IGFL2: variants seen among roughly 807,000 people sequenced by gnomAD.
IGFL2 encodes IGF like family member 2, also known as insulin growth factor-like family member 2.
In IGFL2, 7 loss-of-function variants were observed where a neutral mutation model predicts 13.9. The observed-to-expected ratio is 0.51, with a 90% CI of 0.29 to 0.95. The LOEUF (loss-of-function observed/expected upper bound fraction) is 0.95. Ranked by LOEUF, IGFL2 falls within the 40% of genes least tolerant of loss-of-function variation. The pLI, the probability that IGFL2 is intolerant of heterozygous loss-of-function variation, is 0.08. For synonymous variants in IGFL2, 55 were observed against 55.8 expected (o/e 0.99, Z 0.07); for missense variants, 138 against 147.8 (o/e 0.93, Z 0.34).
intron 1 of IGFL2, among the ~76,000 whole-genome samples, chr19:46,152,916 C>G (rs1202538497): frequency 6.6e-6 from 1 of 150,652 alleles, no homozygotes; most frequent in African/African-American, 2.4e-5. Flanking sequence ...CTTTCAGTAT[C>G]ATTTGAGAGA....
chr19:46,090,809 C>G, the IGFL2 span, among the ~76,000 whole-genome samples: 1 of 152,192 alleles, frequency 6.6e-6, no homozygotes, highest in Admixed American at 6.5e-5. Context: ...ATCTGGTTCC[C>G]GGGCAGCTCT....
chr19:46,079,581 C>T, the IGFL2 span, among the ~76,000 whole-genome samples: 2 of 152,168 alleles, frequency 1.3e-5, no homozygotes, highest in Admixed American at 1.3e-4. Context: ...GTTTCCAGGC[C>T]TCAGGCGCTT....
At chr19:46,150,864 A>G (rs1973446636) in intron 1 of IGFL2, among the ~76,000 whole-genome samples, 1 of 152,158 alleles carries the variant, frequency 6.6e-6, no homozygotes, top group Non-Finnish European at 1.5e-5. Flanking sequence ...ACGATGTCTC[A>G]CTGTGTTGCC....
At chr19:46,160,327 C>G in intron 1 of IGFL2, 88 bp from the exon 2 acceptor site, 2 of 1,178,350 alleles carry the variant, frequency 1.7e-6, no homozygotes, top group Non-Finnish European at 2.5e-6. Context: ...TGGAACTAAG[C>G]CTTCCCCACC....
the IGFL2 span, among the ~76,000 whole-genome samples, chr19:46,180,887 GT>G: frequency 2.0e-5 from 3 of 152,292 alleles, no homozygotes; most frequent in African/African-American, 7.2e-5. Context: ...GACTCATTCC[GT>G]TTTCTTTGGC....
the IGFL2 span, among the ~76,000 whole-genome samples, chr19:46,080,023 C>T: frequency 6.6e-6 from 1 of 152,200 alleles, no homozygotes; most frequent in South Asian, 2.1e-4. Context: ...CAGAGGGCCA[C>T]ATCCCTTCCT....
chr19:46,117,577 C>T, the IGFL2 span, among the ~76,000 whole-genome samples: 1 of 152,114 alleles, frequency 6.6e-6, no homozygotes, highest in Non-Finnish European at 1.5e-5. Flanking sequence ...CTCCTGGGCC[C>T]AAGGGATCCT....
the IGFL2 span, among the ~76,000 whole-genome samples, chr19:46,114,999 A>C: frequency 2.0e-5 from 3 of 152,006 alleles, no homozygotes; most frequent in Non-Finnish European, 2.9e-5. Context: ...GTGTCCTAGA[A>C]TATTTGGTGA....
chr19:46,199,328 G>C, the IGFL2 span, among the ~76,000 whole-genome samples: 1 of 152,246 alleles, frequency 6.6e-6, no homozygotes, highest in Admixed American at 6.5e-5. Context: ...ACCGTGGGTA[G>C]AGGTAGAGTT....
chr19:46,152,697 G>A (rs918903379), intron 1 of IGFL2, among the ~76,000 whole-genome samples: 2 of 152,102 alleles, frequency 1.3e-5, no homozygotes, highest in African/African-American at 4.8e-5. Flanking sequence ...GGCTTGAACC[G>A]CCAATGCTAT....
At chr19:46,084,133 T>C in the IGFL2 span, among the ~76,000 whole-genome samples, 1 of 152,232 alleles carries the variant, frequency 6.6e-6, no homozygotes, top group African/African-American at 2.4e-5. Context: ...TTTCTAGTAT[T>C]ATACCATTGA....
chr19:46,086,444 C>T, the IGFL2 span, among the ~76,000 whole-genome samples: 2 of 152,084 alleles, frequency 1.3e-5, no homozygotes, highest in African/African-American at 4.8e-5. Flanking sequence ...GTATGTCAGC[C>T]TCCTGAGTAC....
chr19:46,099,819 C>G, the IGFL2 span, among the ~76,000 whole-genome samples: 33 of 152,248 alleles, frequency 2.2e-4, no homozygotes, highest in African/African-American at 7.7e-4. Flanking sequence ...AGTCACCGAG[C>G]CTGTGCTTGT....
At chr19:46,135,819 A>ATC in the IGFL2 span, among the ~76,000 whole-genome samples, 1 of 152,244 alleles carries the variant, frequency 6.6e-6, no homozygotes, top group African/African-American at 2.4e-5. Flanking sequence ...GCTGACAATT[A>ATC]TCTAACAATT....
chr19:46,110,406 G>T, the IGFL2 span, among the ~76,000 whole-genome samples: 1 of 152,110 alleles, frequency 6.6e-6, no homozygotes, highest in Admixed American at 6.5e-5. Context: ...TTTGGCTGAG[G>T]ATGGGGGCTC....
chr19:46,097,702 A>G, the IGFL2 span, among the ~76,000 whole-genome samples: 1 of 152,166 alleles, frequency 6.6e-6, no homozygotes, highest in East Asian at 1.9e-4. Context: ...ATTCTGGTAC[A>G]TTGTCTCTTG....
the IGFL2 span, among the ~76,000 whole-genome samples, chr19:46,098,557 G>A: frequency 6.9e-6 from 1 of 145,982 alleles, no homozygotes; most frequent in Non-Finnish European, 1.5e-5. Context: ...TCAGCTCACT[G>A]CACTTCTGCC....
At chr19:46,144,881 T>A (rs1973037277), upstream of IGFL2, among the ~76,000 whole-genome samples, 1 of 152,198 alleles carries the variant, frequency 6.6e-6, no homozygotes, top group African/African-American at 2.4e-5. Context: ...TTCTTACCTA[T>A]GTAATTGTTG....
At chr19:46,084,092 G>A in the IGFL2 span, among the ~76,000 whole-genome samples, 3 of 152,098 alleles carry the variant, frequency 2.0e-5, no homozygotes, top group Non-Finnish European at 2.9e-5. Context: ...CCATGTCTTT[G>A]TACTGTTTCT....
Sources: allele counts gnomAD v4.1 joint callset (sites outside exome capture counted in the v4.1 genomes callset), GRCh38; gene constraint gnomAD v4.1.1; transcripts MANE v1.5; gene names NCBI Gene and HGNC (gene_info 2026-07-23, HGNC 2026-07-21).